Variants in ASIC2 observed in about 807,000 individuals in gnomAD.
The protein encoded by ASIC2 is acid sensing ion channel subunit 2, also known as acid-sensing ion channel 2.
Under a neutral mutation model 57.3 loss-of-function variants are expected in ASIC2, and 25 were observed. The observed-to-expected ratio is 0.44, with a 90% confidence interval of 0.32 to 0.61. ASIC2 has a LOEUF of 0.61. Among genes scored for constraint, ASIC2 ranks in the 20% least tolerant of loss-of-function variants. The pLI, the probability that ASIC2 is intolerant of heterozygous loss-of-function variation, is 0.06. For synonymous variants in ASIC2, 319 were observed against 307.5 expected, an observed-to-expected ratio of 1.04 and a Z score of -0.39; for missense variants, 641 against 738.1, an observed-to-expected ratio of 0.87 and a Z score of 1.52.
chr17:34,111,337 T>C (rs1436676818), intron 1 of ASIC2, among the ~76,000 whole-genome samples: 1 of 149,082 alleles, frequency 6.7e-6, no homozygotes, highest in South Asian at 2.1e-4. Flanking sequence ...TTATATTATA[T>C]ATACAGGCAC....
At chr17:33,973,466 A>C (rs1348849416) in intron 1 of ASIC2, among the ~76,000 whole-genome samples, 1 of 152,232 alleles carries the variant, frequency 6.6e-6, no homozygotes, top group Non-Finnish European at 1.5e-5. Context: ...CAATAGGCCC[A>C]GACTTGGGCA....
At chr17:33,925,231 G>A (rs1282132030) in intron 1 of ASIC2, among the ~76,000 whole-genome samples, 1 of 152,242 alleles carries the variant, frequency 6.6e-6, no homozygotes. Flanking sequence ...TAAGAGGGAG[G>A]TGGTCATATC....
chr17:33,726,615 G>A (rs971034167), intron 1 of ASIC2, among the ~76,000 whole-genome samples: 3 of 152,044 alleles, frequency 2.0e-5, no homozygotes, highest in Non-Finnish European at 2.9e-5. Context: ...CTGCCTTTCC[G>A]CATTTCCTCA....
chr17:33,329,443 G>A (rs1907215150), intron 1 of ASIC2, among the ~76,000 whole-genome samples: 1 of 152,150 alleles, frequency 6.6e-6, no homozygotes, highest in Admixed American at 6.5e-5. Context: ...GAGCTAATGG[G>A]TGGAGGACCC....
chr17:33,748,116 A>G (rs1251853416), intron 1 of ASIC2, among the ~76,000 whole-genome samples: 2 of 152,206 alleles, frequency 1.3e-5, no homozygotes, highest in East Asian at 3.8e-4. Flanking sequence ...AGCCCACTCA[A>G]TCTAACTGCA....
intron 3 of ASIC2, among the ~76,000 whole-genome samples, chr17:33,068,362 C>T (rs562894519): frequency 3.3e-5 from 5 of 152,162 alleles, no homozygotes; most frequent in East Asian, 1.9e-4. Context: ...GGAGAAACCC[C>T]GTTTCTACTA....
intron 1 of ASIC2, chr17:33,794,503 C>T (rs1377076126): frequency 3.3e-5 from 5 of 152,230 alleles, no homozygotes; most frequent in African/African-American, 1.2e-4. Context: ...GGGTGATGCA[C>T]ATCTCATTTC....
At chr17:33,764,714 C>G (rs541912571) in intron 1 of ASIC2, among the ~76,000 whole-genome samples, 16 of 152,140 alleles carry the variant, frequency 1.1e-4, no homozygotes, top group Non-Finnish European at 2.1e-4. Context: ...CTTGAGGGTA[C>G]AGCCCTTATG....
intron 1 of ASIC2, among the ~76,000 whole-genome samples, chr17:33,300,700 T>G (rs1905921031): frequency 3.3e-5 from 5 of 152,236 alleles, no homozygotes; most frequent in Non-Finnish European, 7.3e-5. Context: ...AGGAAGATGG[T>G]CCAAACATGC....
At chr17:34,130,041 G>A (rs1329566347) in intron 1 of ASIC2, among the ~76,000 whole-genome samples, 1 of 152,192 alleles carries the variant, frequency 6.6e-6, no homozygotes, top group Non-Finnish European at 1.5e-5. Flanking sequence ...ATGGAAACTT[G>A]CACCTTGCCA....
chr17:33,371,792 A>C (rs780552967), intron 1 of ASIC2, among the ~76,000 whole-genome samples: 9 of 152,048 alleles, frequency 5.9e-5, no homozygotes, highest in Non-Finnish European at 1.3e-4. Context: ...GTCTACTGGG[A>C]CTCTAATCCT....
chr17:33,877,961 G>A (rs1389781929), intron 1 of ASIC2, among the ~76,000 whole-genome samples: 2 of 152,208 alleles, frequency 1.3e-5, no homozygotes, highest in African/African-American at 4.8e-5. Flanking sequence ...AATATCCGCT[G>A]TTCTGCAGCC....
At chr17:33,601,383 C>T (rs1375347599) in intron 1 of ASIC2, among the ~76,000 whole-genome samples, 4 of 152,202 alleles carry the variant, frequency 2.6e-5, no homozygotes, top group Admixed American at 1.3e-4. Context: ...CACTGCCCTG[C>T]ACCACCTTTG....
intron 1 of ASIC2, among the ~76,000 whole-genome samples, chr17:33,861,881 G>C (rs1014223215): frequency 9.2e-5 from 14 of 152,114 alleles, no homozygotes; most frequent in African/African-American, 3.4e-4. Context: ...TCAAGCAATG[G>C]CAAAAGCAAC....
intron 1 of ASIC2, among the ~76,000 whole-genome samples, chr17:33,548,961 G>A (rs1567646726): frequency 6.6e-6 from 1 of 151,970 alleles, no homozygotes; most frequent in Non-Finnish European, 1.5e-5. Context: ...TCACATCACA[G>A]TGCTTTATTT....
chr17:34,135,722 C>A (rs1464483042), intron 1 of ASIC2, among the ~76,000 whole-genome samples: 2 of 152,088 alleles, frequency 1.3e-5, no homozygotes, highest in African/African-American at 4.8e-5. Flanking sequence ...AGGACTTGCA[C>A]TCCACAAATA....
At chr17:33,692,652 C>A (rs906549014) in intron 1 of ASIC2, among the ~76,000 whole-genome samples, 3 of 152,144 alleles carry the variant, frequency 2.0e-5, no homozygotes, top group Admixed American at 1.3e-4. Flanking sequence ...CCAGAAGTTG[C>A]TCTGGGTGAG....
chr17:33,372,904 T>A (rs1421259069), intron 1 of ASIC2, among the ~76,000 whole-genome samples: 3 of 152,168 alleles, frequency 2.0e-5, no homozygotes, highest in African/African-American at 7.2e-5. Flanking sequence ...AGGGGATCTG[T>A]TGCCTGTTAC....
chr17:33,676,195 T>C (rs1267050503), intron 1 of ASIC2, among the ~76,000 whole-genome samples: 2 of 152,196 alleles, frequency 1.3e-5, no homozygotes, highest in Non-Finnish European at 2.9e-5. Flanking sequence ...CTCTTTCCCT[T>C]TCTTTGGGAA....
Sources: gnomAD v4.1 joint callset for allele counts (sites outside exome capture counted in the v4.1 genomes callset) on GRCh38, gnomAD v4.1.1 for gene constraint, MANE v1.5 for transcripts, NCBI Gene and HGNC (gene_info 2026-07-23, HGNC 2026-07-21) for gene names.